MAGI1: variants seen among roughly 807,000 people sequenced by gnomAD.
MAGI1 encodes membrane associated guanylate kinase, WW and PDZ domain containing 1, also known as membrane-associated guanylate kinase, WW and PDZ domain-containing protein 1.
A neutral mutation model predicts 139.9 loss-of-function variants in MAGI1; 58 were observed. The observed-to-expected ratio is 0.41, with a 90% CI of 0.34 to 0.52. MAGI1 has a LOEUF of 0.52. MAGI1 is among the 20% of genes least tolerant of loss of function. The pLI is 0.12. For synonymous variants in MAGI1, 812 were observed against 737.9 expected (o/e 1.10, Z -1.63); for missense variants, 1,874 against 1,901.6 (o/e 0.99, Z 0.27).
intron 1 of MAGI1, among the ~76,000 whole-genome samples, chr3:65,897,471 G>C (rs1287935754): frequency 6.6e-6 from 1 of 151,904 alleles, no homozygotes; most frequent in Admixed American, 6.6e-5. Context: ...CCTGCTGTGG[G>C]GTGGGGGGCA....
intron 2 of MAGI1, among the ~76,000 whole-genome samples, chr3:65,528,986 C>G (rs2107833221): frequency 6.6e-6 from 1 of 152,246 alleles, no homozygotes; most frequent in Non-Finnish European, 1.5e-5. Context: ...GCAGAGGTTA[C>G]AGTGAGCTGA....
At position 65,775,670 on chromosome 3, in the gene MAGI1, G is replaced by A. The variant is rs115148900; in HGVS notation, c.314-153582C>T. On this transcript the variant is annotated intron_variant, in intron 1 of 22. Coordinates refer to ENST00000402939, the MANE Select transcript of MAGI1 (RefSeq NM_001033057.2). ...TAACAGTGGTTTCTGGTCAAACACA[G>A]TAGCCCACACCTGTAATCCCAGCAT... Among the ~76,000 whole-genome samples, 534 of 152,130 alleles carry A rather than the reference G, an allele frequency of 3.5e-3. 5 individuals carry two copies. The highest frequency in any genetic ancestry group is 0.013 in the African/African-American group (521 of 41,506).
chr3:65,680,013 C>T (rs1332216060), intron 1 of MAGI1, among the ~76,000 whole-genome samples: 1 of 152,100 alleles, frequency 6.6e-6, no homozygotes, highest in Non-Finnish European at 1.5e-5. Flanking sequence ...AGGGTCCTTG[C>T]TTAGAGGGTA....
At chr3:65,831,122 T>C (rs2042501068) in intron 1 of MAGI1, among the ~76,000 whole-genome samples, 1 of 152,186 alleles carries the variant, frequency 6.6e-6, no homozygotes, top group Non-Finnish European at 1.5e-5. Context: ...ATTGGCAGTG[T>C]CCCTAACAAT....
At chr3:65,962,119 T>C (rs1260240723) in intron 1 of MAGI1, among the ~76,000 whole-genome samples, 4 of 140,028 alleles carry the variant, frequency 2.9e-5, no homozygotes, top group East Asian at 2.1e-4. Flanking sequence ...TTAATCTGAT[T>C]GTATTTTTTT....
chr3:65,356,698 G>T lies in MAGI1; in HGVS notation c.4069C>A (p.Arg1357=), dbSNP rs745880197. 1.9e-6 allele frequency: 3 copies of T among 1,593,090 alleles called. No homozygotes were observed. Among genetic ancestry groups the T allele is most frequent in the Non-Finnish European group, 2.6e-6 (3 of 1,170,194 alleles). ...RDVSPERRRE[R]SPTRRRDGSP... is the part of the protein sequence containing the mutation. ...CCGTCTCTCCTGCGGGTGGGTGACC[G>T]CTCTCGCCTCCGCTCCGGAGAGACG... Residue 1357 remains arginine, a synonymous_variant, in exon 23 of 23, where the codon CGG becomes AGG. Coordinates refer to ENST00000402939, the MANE Select transcript of MAGI1 (RefSeq NM_001033057.2).
chr3:65,799,383 A>T (rs987658506), intron 1 of MAGI1, among the ~76,000 whole-genome samples: 1 of 152,168 alleles, frequency 6.6e-6, no homozygotes, highest in Non-Finnish European at 1.5e-5. Flanking sequence ...ATCCCCTAAA[A>T]TGAGTGACAC....
chr3:65,598,171 C>T (rs2082313910), intron 2 of MAGI1, among the ~76,000 whole-genome samples: 1 of 151,816 alleles, frequency 6.6e-6, no homozygotes, highest in Non-Finnish European at 1.5e-5. Flanking sequence ...AGAGCCCGGG[C>T]TCCTAGAGGC....
intron 1 of MAGI1, among the ~76,000 whole-genome samples, chr3:65,682,899 A>G (rs1268395886): frequency 1.3e-5 from 2 of 152,144 alleles, no homozygotes; most frequent in African/African-American, 4.8e-5. Flanking sequence ...TTCATGGAAG[A>G]TAATTTTTCC....
Position 65,459,283 on chromosome 3 carries a change from G to C in MAGI1, c.960-5943C>G, listed in dbSNP as rs553708208. Among the ~76,000 whole-genome samples the C allele has an allele frequency of 4.6e-4, 70 of 151,890 alleles. 1 individual carries two copies. The highest frequency in any genetic ancestry group is 8.7e-4 in the Non-Finnish European group (59 of 67,958). ...ACTCAGGATATATTTGGCTATTCTGGGTCTTTCGTGGTTCCATATAAATTT... is the reference window on the plus strand; with the variant it reads ...ACTCAGGATATATTTGGCTATTCTGCGTCTTTCGTGGTTCCATATAAATTT... On this transcript the variant is annotated intron_variant, in intron 5 of 22. Coordinates refer to ENST00000402939, the MANE Select transcript of MAGI1 (RefSeq NM_001033057.2).
At chr3:65,553,199 C>G (rs553599282) in intron 2 of MAGI1, among the ~76,000 whole-genome samples, 1 of 150,702 alleles carries the variant, frequency 6.6e-6, no homozygotes, top group Non-Finnish European at 1.5e-5. Flanking sequence ...CTGATTTAAT[C>G]TATCAGCTAT....
At chr3:65,450,690 G>A (rs1394431184) in intron 6 of MAGI1, among the ~76,000 whole-genome samples, 1 of 152,152 alleles carries the variant, frequency 6.6e-6, no homozygotes, top group African/African-American at 2.4e-5. Context: ...ACTGGACACA[G>A]CAGTGACAGA....
intron 1 of MAGI1, among the ~76,000 whole-genome samples, chr3:65,993,125 C>T (rs768372885): frequency 1.3e-5 from 2 of 152,190 alleles, no homozygotes; most frequent in Non-Finnish European, 2.9e-5. Context: ...GGCTTCATTA[C>T]AGCTTTATTT....
intron 2 of MAGI1, among the ~76,000 whole-genome samples, chr3:65,498,565 C>T (rs75674744): frequency 0.016 from 2,490 of 152,226 alleles, 79 homozygotes; most frequent in African/African-American, 0.056. Flanking sequence ...ACAAGAAACA[C>T]AGAAGTAAGG....
intron 1 of MAGI1, among the ~76,000 whole-genome samples, chr3:65,989,093 C>T (rs2066032121): frequency 6.6e-6 from 1 of 152,198 alleles, no homozygotes. Flanking sequence ...TATACCAACG[C>T]TCCATCACAA....
chr3:65,430,172 A>T (rs1328080802), intron 11 of MAGI1, 32 bp from the exon 12 acceptor site: 1 of 1,602,182 alleles, frequency 6.2e-7, no homozygotes, highest in Non-Finnish European at 8.5e-7. Flanking sequence ...GGGTTAAGAA[A>T]ACAGCACCCA....
intron 1 of MAGI1, among the ~76,000 whole-genome samples, chr3:65,746,438 T>C (rs13082646): frequency 0.42 from 64,261 of 152,114 alleles, 15,268 homozygotes; most frequent in Admixed American, 0.53. Flanking sequence ...GATAAATGTT[T>C]CTGATGCAAG....
chr3:65,870,104 G>A (rs1208526288), intron 1 of MAGI1, among the ~76,000 whole-genome samples: 2 of 152,174 alleles, frequency 1.3e-5, no homozygotes, highest in African/African-American at 2.4e-5. Flanking sequence ...CTACACGGAT[G>A]CTGAGCATTT....
chr3:65,830,552 A>C (rs11715194), intron 1 of MAGI1, among the ~76,000 whole-genome samples: 4,171 of 152,270 alleles, frequency 0.027, 98 homozygotes, highest in South Asian at 0.04. Flanking sequence ...ACACTATTTC[A>C]CACCAGATTT....
Sources: allele counts gnomAD v4.1 joint callset (sites outside exome capture counted in the v4.1 genomes callset), GRCh38; gene constraint gnomAD v4.1.1; transcripts MANE v1.5; gene names NCBI Gene and HGNC (gene_info 2026-07-23, HGNC 2026-07-21).